TAF1B: variants seen among roughly 807,000 people sequenced by gnomAD.
TAF1B encodes the protein TATA-box binding protein associated factor, RNA polymerase I subunit B.
Under a neutral mutation model 83.9 loss-of-function variants are expected in TAF1B, and 61 were observed. The ratio of observed to expected loss-of-function variants is 0.73; its 90% CI spans 0.59 to 0.90. TAF1B has a LOEUF of 0.90. Ranked by LOEUF, TAF1B falls within the 40% of genes least tolerant of loss-of-function variation. The probability of loss-of-function intolerance (pLI) is 0.00; values close to 1 mark genes in which losing one functional copy is unlikely to be tolerated. For missense variants in TAF1B, 625 were observed against 677.0 expected, an observed-to-expected ratio of 0.92 and a Z score of 0.85; for synonymous variants, 221 against 224.6, an observed-to-expected ratio of 0.98 and a Z score of 0.14.
chr2:9,900,826 G>GGAAGATGTT (rs1276903520), intron 8 of TAF1B, among the ~76,000 whole-genome samples: 1 of 152,104 alleles, frequency 6.6e-6, no homozygotes, highest in African/African-American at 2.4e-5. Flanking sequence ...TTAGGGATGT[G>GGAAGATGTT]GAAGATGTTG....
rs1239678648 is a variant in TAF1B, at chr2:9,843,709, C to G, written c.18+150C>G. 86 of 886,592 alleles carry G rather than the reference C, an allele frequency of 9.7e-5. 2 individuals carry two copies. The South Asian group carries it at 1.6e-3, about 17-fold the overall frequency. 54.9% of individuals were successfully genotyped at this position (886,592 alleles called of 1,614,324 possible). Reference sequence around the variant, plus strand: ...GGAGGGCTGCAGGGCGGGCTAAGGACTGGGGCTGGCCGGCCGCATGCGCGC... The same window carrying G: ...GGAGGGCTGCAGGGCGGGCTAAGGAGTGGGGCTGGCCGGCCGCATGCGCGC... On this transcript the variant is annotated intron_variant, in intron 1 of 14. Transcript: ENST00000263663.
At chr2:9,864,374 C>G (rs1233723380) in intron 5 of TAF1B, among the ~76,000 whole-genome samples, 4 of 152,104 alleles carry the variant, frequency 2.6e-5, no homozygotes, top group African/African-American at 4.8e-5. Flanking sequence ...ATACACCTTC[C>G]CAAAACTAAA....
At chr2:9,893,992 G>A (rs1174096754) in intron 8 of TAF1B, among the ~76,000 whole-genome samples, 1 of 152,184 alleles carries the variant, frequency 6.6e-6, no homozygotes, top group Admixed American at 6.5e-5. Flanking sequence ...GGCAGCTAAA[G>A]GATGTTGTCT....
At chr2:9,855,311 A>G (rs781032363) in intron 5 of TAF1B, among the ~76,000 whole-genome samples, 5 of 152,106 alleles carry the variant, frequency 3.3e-5, no homozygotes, top group African/African-American at 4.8e-5. Context: ...ATAATTTTTG[A>G]TGTGTGGTAC....
chr2:9,843,692 G>T, intron 1 of TAF1B, 133 bp downstream of exon 1: 2 of 1,052,808 alleles, frequency 1.9e-6, no homozygotes, highest in South Asian at 1.7e-5. Flanking sequence ...GCGGAGGGCT[G>T]CAGGGCGGGC....
At chr2:9,922,052 C>CA (rs1352282727) in intron 14 of TAF1B, among the ~76,000 whole-genome samples, 3 of 152,168 alleles carry the variant, frequency 2.0e-5, no homozygotes, top group African/African-American at 7.2e-5. Context: ...ATCTCATCCC[C>CA]ATATTGACAT....
At chr2:9,917,613 A>T (rs1230801687) in intron 12 of TAF1B, among the ~76,000 whole-genome samples, 6 of 152,218 alleles carry the variant, frequency 3.9e-5, no homozygotes, top group Admixed American at 3.9e-4. Flanking sequence ...GAGATGCTAA[A>T]TTCATTTCTT....
chr2:9,875,705 C>CA (rs1480719155), intron 6 of TAF1B, among the ~76,000 whole-genome samples, 160 bp from the exon 7 acceptor site: 2 of 152,200 alleles, frequency 1.3e-5, no homozygotes, highest in Admixed American at 6.5e-5. Flanking sequence ...CCTCCCATGA[C>CA]ACGTGGGAAT....
At position 9,876,005 on chromosome 2, in the gene TAF1B, T is replaced by A. The variant is rs1030426917; in HGVS notation, c.694T>A (p.Ser232Thr). 3.1e-6 allele frequency: 5 copies of A among 1,609,450 alleles called. No homozygotes were observed. Reference protein sequence around the residue: ...LLWQREAITLSDLLRFVEEDH... With the variant: ...LLWQREAITLTDLLRFVEEDH... ...TTGGCAGAGAGAAGCAATAACACTT[T>A]CAGATCTTTTGAGGTTAGCTAGACC... Residue 232 changes from serine to threonine, a missense_variant, in exon 7 of 15, where the codon TCA becomes ACA. Ser to Thr is a moderately conservative substitution (Grantham distance 58). Transcript: ENST00000263663.
intron 8 of TAF1B, among the ~76,000 whole-genome samples, chr2:9,901,325 T>G (rs431519): frequency 0.28 from 42,472 of 152,170 alleles, 6,915 homozygotes; most frequent in Middle Eastern, 0.4. Context: ...ATCTGGAATC[T>G]AATCTATAGG....
Position 9,899,493 on chromosome 2 carries a change from T to A in TAF1B, c.808-5366T>A, listed in dbSNP as rs114679613. Among the ~76,000 whole-genome samples the A allele has an allele frequency of 5.7e-3, 870 of 152,318 alleles. 8 individuals are homozygous for A. The highest frequency in any genetic ancestry group is 0.02 in the African/African-American group (842 of 41,564). On this transcript the variant is annotated intron_variant, in intron 8 of 14. Transcript: ENST00000263663. ...ATACCACATTTTGTTCATCCATTCA[T>A]TGGTGTACATTTGGGTCGTTTCTAC...
rs1312514050 is a variant in TAF1B, at chr2:9,934,063, A to C, written c.*79A>C. The stretch of plus-strand genomic sequence containing the variant: ...AGATTTTAATATAACATTCCAGAGA[A>C]TTGTGGAAAATACTGCATATATATG... On this transcript the variant is annotated 3_prime_UTR_variant, in exon 15 of 15. Coordinates refer to ENST00000263663, the MANE Select transcript of TAF1B (RefSeq NM_005680.3). The C allele has an allele frequency of 8.6e-7, 1 of 1,157,606 alleles. No individual in the cohort carries two copies. The highest frequency in any genetic ancestry group is 1.6e-5 in the African/African-American group (1 of 63,982). 71.7% of individuals were successfully genotyped at this position (1,157,606 alleles called of 1,614,324 possible).
At chr2:9,877,189 C>G (rs115462375) in intron 7 of TAF1B, among the ~76,000 whole-genome samples, 2,283 of 152,278 alleles carry the variant, frequency 0.015, 57 homozygotes, top group African/African-American at 0.051. Context: ...TGATGACTCT[C>G]AAATTTATAT....
intron 14 of TAF1B, among the ~76,000 whole-genome samples, chr2:9,927,022 G>GCCCCCCCCCCCC (rs70948856): frequency 7.4e-6 from 1 of 135,930 alleles, no homozygotes; most frequent in African/African-American, 2.8e-5. Context: ...CCCTCCCCCT[G>GCCCCCCCCCCCC]CCCCCACCCC....
rs1664057053 is a variant in TAF1B, at chr2:9,868,256, T to C, written c.400-20T>C. 6.2e-7 allele frequency: 1 copy of C among 1,611,258 alleles called. No homozygotes were observed. The highest frequency in any genetic ancestry group is 8.5e-7 in the Non-Finnish European group (1 of 1,178,038). On this transcript the variant is annotated intron_variant, in intron 5 of 14. Transcript: ENST00000263663. ...TAAAACTGTTACACAATAATTTTAT[T>C]TATATTGTTTTGCAAACAGGTATTA...
At chr2:9,862,497 C>T (rs1346168418) in intron 5 of TAF1B, among the ~76,000 whole-genome samples, 3 of 152,144 alleles carry the variant, frequency 2.0e-5, no homozygotes, top group African/African-American at 7.2e-5. Flanking sequence ...CAGGGAGAAT[C>T]GAACCAAGTT....
intron 5 of TAF1B, 48 bp from the exon 6 acceptor site, chr2:9,868,228 G>A (rs1454998716): frequency 8.2e-6 from 13 of 1,582,106 alleles, no homozygotes; most frequent in Non-Finnish European, 1.1e-5. Flanking sequence ...GAAATTAACT[G>A]TTTAAAACTG....
intron 6 of TAF1B, among the ~76,000 whole-genome samples, chr2:9,873,007 C>T (rs1418449134): frequency 1.3e-5 from 2 of 152,210 alleles, no homozygotes; most frequent in East Asian, 1.9e-4. Flanking sequence ...ACTTCTATTC[C>T]TGGCATTTAG....
At chr2:9,893,237 A>G (rs1402229850) in intron 8 of TAF1B, among the ~76,000 whole-genome samples, 1 of 151,598 alleles carries the variant, frequency 6.6e-6, no homozygotes, top group East Asian at 1.9e-4. Flanking sequence ...CATTTTTCCT[A>G]TCTGTCTACC....
Sources: allele counts gnomAD v4.1 joint callset (sites outside exome capture counted in the v4.1 genomes callset), GRCh38; gene constraint gnomAD v4.1.1; transcripts MANE v1.5; gene names NCBI Gene and HGNC (gene_info 2026-07-23, HGNC 2026-07-21).